Variants in EFHB observed in about 807,000 individuals in gnomAD.
EFHB encodes EF-hand domain-containing family member B.
EFHB carries 91 observed loss-of-function variants against 87.2 expected under a neutral mutation model. That is an observed-to-expected ratio of 1.04 (90% CI 0.88 to 1.24). The LOEUF (loss-of-function observed/expected upper bound fraction) is 1.24. EFHB is among the 50% of genes most tolerant of loss of function. EFHB has a pLI of 0.00. For synonymous variants in EFHB, 325 were observed against 333.6 expected, an observed-to-expected ratio of 0.97 and a Z score of 0.28; for missense variants, 1,084 against 998.8, an observed-to-expected ratio of 1.09 and a Z score of -1.15.
intron 5 of EFHB, 40 bp downstream of exon 5, chr3:19,915,263 C>T: frequency 7.4e-7 from 1 of 1,358,450 alleles, no homozygotes; most frequent in Non-Finnish European, 1.0e-6. Context: ...ATCCGAGAGT[C>T]CCATATCCTC....
chr3:19,893,209 C>T (rs561125279), intron 9 of EFHB, among the ~76,000 whole-genome samples: 14 of 152,090 alleles, frequency 9.2e-5, no homozygotes, highest in African/African-American at 2.7e-4. Flanking sequence ...CCAAAGTGTT[C>T]GGATTACAGG....
intron 1 of EFHB, among the ~76,000 whole-genome samples, chr3:19,931,305 A>G (rs144196129): frequency 2.0e-5 from 3 of 152,334 alleles, no homozygotes; most frequent in Admixed American, 6.5e-5. Flanking sequence ...TTCTTGTCCT[A>G]TCACATTTAG....
At chr3:19,925,933 G>T (rs1389386000) in intron 1 of EFHB, among the ~76,000 whole-genome samples, 1 of 152,176 alleles carries the variant, frequency 6.6e-6, no homozygotes, top group East Asian at 1.9e-4. Context: ...CATTAGGAGT[G>T]ATGGTACCCA....
At chr3:19,916,090 C>G (rs1414250484) in intron 4 of EFHB, among the ~76,000 whole-genome samples, 1 of 152,188 alleles carries the variant, frequency 6.6e-6, no homozygotes, top group African/African-American at 2.4e-5. Context: ...TAGTTTGCTG[C>G]AGACTTCTCA....
Position 19,888,440 on chromosome 3 carries a change from A to T in EFHB, c.1933+4T>A. On this transcript the variant is annotated splice_donor_region_variant and intron_variant, in intron 10 of 12. Transcript: ENST00000295824. Reference sequence around the variant, plus strand: ...AATTCATCAAACCTTCAAAAATTAAATACCTTTAATAATGACCCTCTCTTC... The same window carrying T: ...AATTCATCAAACCTTCAAAAATTAATTACCTTTAATAATGACCCTCTCTTC... 7.3e-7 allele frequency: 1 copy of T among 1,367,270 alleles called. No homozygotes were observed. Among genetic ancestry groups the T allele is most frequent in the Non-Finnish European group, 9.6e-7 (1 of 1,039,868 alleles). 84.7% of individuals were successfully genotyped at this position (1,367,270 alleles called of 1,614,324 possible). A position where few individuals can be genotyped will look rare whatever the true frequency, so the allele number is the denominator to read the frequency against.
intron 1 of EFHB, 25 bp downstream of exon 1, chr3:19,933,205 C>T: frequency 1.3e-6 from 2 of 1,596,274 alleles, no homozygotes; most frequent in East Asian, 2.2e-5. Context: ...AGTTTAGTTC[C>T]TATGGAAAGT....
rs1410942673 is a variant in EFHB at position 19,896,850 on chromosome 3, G to A, written c.1571-9C>T. On this transcript the variant is annotated splice_polypyrimidine_tract_variant and intron_variant, in intron 8 of 12. Coordinates refer to ENST00000295824, the MANE Select transcript of EFHB (RefSeq NM_144715.4). ...GATGAGATCACCAACTCCTATTGAA[G>A]AGAGAAAAAACTTTTTACATAAATT... The A allele has an allele frequency of 3.8e-6, 6 of 1,586,482 alleles. No homozygotes were observed. The African/African-American group carries it at 8.2e-5, about 22-fold the overall frequency.
upstream of EFHB, chr3:19,934,361 T>C (rs1695953659): frequency 6.6e-6 from 5 of 762,034 alleles, no homozygotes; most frequent in Non-Finnish European, 8.5e-6. Context: ...TCTCTCTCTC[T>C]CCCCTCTTCT....
intron 6 of EFHB, among the ~76,000 whole-genome samples, chr3:19,901,345 C>G (rs569635738): frequency 6.6e-6 from 1 of 152,252 alleles, no homozygotes; most frequent in African/African-American, 2.4e-5. Flanking sequence ...AAAATTACAA[C>G]ACTACTATTT....
rs571566047 is a variant in EFHB at position 19,891,604 on chromosome 3, G to T, written c.1726-2953C>A. On this transcript the variant is annotated intron_variant, in intron 9 of 12. Coordinates refer to ENST00000295824, the MANE Select transcript of EFHB (RefSeq NM_144715.4). ...TACTGACTCTTGGGCTGTTGACTGT[G>T]GCCTACCTATTTGGTTGGCCACTTG... Among the ~76,000 whole-genome samples, 30 of 152,210 alleles carry T rather than the reference G, an allele frequency of 2.0e-4. No homozygotes were observed. The South Asian group carries it at 6.0e-3, about 31-fold the overall frequency.
At position 19,884,604 on chromosome 3, in the gene EFHB, C is replaced by T; in HGVS notation, c.1945G>A (p.Asp649Asn). ...TTAGCCTCAGTAGGGTTTACACAAT[C>T]TGGTTTTCTACCTTTAAGGAAAATA... ...ERVIIKGRKP[D>N]CVNPTEANVE... Residue 649 changes from aspartate to asparagine, a missense_variant, in exon 11 of 13, where the codon GAT becomes AAT. By Grantham distance (23) the Asp-to-Asn change is conservative. Coordinates refer to ENST00000295824, the MANE Select transcript of EFHB (RefSeq NM_144715.4). 6.2e-7 allele frequency: 1 copy of T among 1,612,300 alleles called. No individual in the cohort carries two copies. The highest frequency in any genetic ancestry group is 1.1e-5 in the South Asian group (1 of 90,590).
intron 5 of EFHB, among the ~76,000 whole-genome samples, chr3:19,907,196 CA>C (rs1284831330): frequency 1.3e-5 from 2 of 151,966 alleles, no homozygotes; most frequent in Non-Finnish European, 2.9e-5. Flanking sequence ...GAGACTACAT[CA>C]AATTAAAAAC....
chr3:19,898,197 T>C (rs1448860937), intron 8 of EFHB, among the ~76,000 whole-genome samples: 3 of 152,234 alleles, frequency 2.0e-5, no homozygotes, highest in Non-Finnish European at 4.4e-5. Context: ...ACTTTATGTA[T>C]TGATTGATTG....
At chr3:19,917,387 C>T (rs1353527942) in intron 4 of EFHB, among the ~76,000 whole-genome samples, 1 of 152,118 alleles carries the variant, frequency 6.6e-6, no homozygotes, top group African/African-American at 2.4e-5. Context: ...AAAGTATAAT[C>T]TATCTTCAGA....
chr3:19,891,460 C>T (rs1204250951), intron 9 of EFHB, among the ~76,000 whole-genome samples: 1 of 152,190 alleles, frequency 6.6e-6, no homozygotes, highest in Non-Finnish European at 1.5e-5. Flanking sequence ...CTCTAAATGC[C>T]TGGGCCTGTT....
At chr3:19,915,278 C>T (rs753414107) in intron 5 of EFHB, 25 bp downstream of exon 5, 2 of 1,507,910 alleles carry the variant, frequency 1.3e-6, no homozygotes, top group Admixed American at 3.4e-5. Context: ...ATCCTCAGGC[C>T]CATTTTGCAT....
chr3:19,880,337 C>A (rs1430302311), intron 12 of EFHB, among the ~76,000 whole-genome samples: 1 of 151,908 alleles, frequency 6.6e-6, no homozygotes, highest in Non-Finnish European at 1.5e-5. Context: ...GCAGCCTCTG[C>A]CTCCTGGGTA....
intron 5 of EFHB, among the ~76,000 whole-genome samples, chr3:19,911,689 G>A (rs1383551819): frequency 6.6e-6 from 1 of 151,964 alleles, no homozygotes; most frequent in Non-Finnish European, 1.5e-5. Flanking sequence ...TCAAGCAGAA[G>A]AAAGAGTTAA....
chr3:19,882,444 G>C, intron 12 of EFHB, 106 bp downstream of exon 12: 1 of 1,051,440 alleles, frequency 9.5e-7, no homozygotes, highest in African/African-American at 1.6e-5. Context: ...TATACTTGGG[G>C]ATCCTGTAGA....
Sources: allele counts gnomAD v4.1 joint callset (sites outside exome capture counted in the v4.1 genomes callset), GRCh38; gene constraint gnomAD v4.1.1; transcripts MANE v1.5; gene names NCBI Gene and HGNC (gene_info 2026-07-23, HGNC 2026-07-21).